Variants in AOPEP observed in about 807,000 individuals in gnomAD.
The protein encoded by AOPEP is aminopeptidase O.
In AOPEP, 77 loss-of-function variants were observed where a neutral mutation model predicts 98.1. The ratio of observed to expected loss-of-function variants is 0.78; its 90% CI spans 0.65 to 0.95. AOPEP has a LOEUF of 0.95. AOPEP is among the 40% of genes least tolerant of loss of function. The pLI is 0.00. For synonymous variants in AOPEP, 346 were observed against 365.3 expected (o/e 0.95, Z 0.60); for missense variants, 1,024 against 1,024.7 (o/e 1.00, Z 0.01).
At chr9:94,756,986 AT>A (rs1278942347) in intron 1 of AOPEP, among the ~76,000 whole-genome samples, 1 of 152,118 alleles carries the variant, frequency 6.6e-6, no homozygotes, top group Non-Finnish European at 1.5e-5. Flanking sequence ...CAGTAGCGAT[AT>A]TTTGGTCTGC....
intron 14 of AOPEP, among the ~76,000 whole-genome samples, chr9:95,063,834 C>G (rs532586859): frequency 1.6e-4 from 25 of 152,038 alleles, no homozygotes; most frequent in Non-Finnish European, 3.2e-4. Flanking sequence ...GGGTCTGGCC[C>G]TCATGCCTGG....
intron 13 of AOPEP, among the ~76,000 whole-genome samples, chr9:95,026,145 C>T (rs2063820019): frequency 6.6e-6 from 1 of 152,202 alleles, no homozygotes; most frequent in Admixed American, 6.5e-5. Context: ...ATAGATTTAA[C>T]ACTTCATAGC....
intron 14 of AOPEP, among the ~76,000 whole-genome samples, chr9:95,078,958 G>C (rs1270297645): frequency 6.6e-6 from 1 of 152,234 alleles, no homozygotes; most frequent in African/African-American, 2.4e-5. Context: ...ACTCTTTCTT[G>C]TATAGTGTGT....
intron 1 of AOPEP, among the ~76,000 whole-genome samples, chr9:94,746,002 G>T (rs1360222699): frequency 6.6e-6 from 1 of 152,164 alleles, no homozygotes; most frequent in East Asian, 1.9e-4. Flanking sequence ...TACGACAGGG[G>T]TTCCCCTTTC....
intron 3 of AOPEP, among the ~76,000 whole-genome samples, chr9:94,783,349 A>G (rs1245021782): frequency 1.3e-5 from 2 of 152,244 alleles, no homozygotes; most frequent in African/African-American, 4.8e-5. Context: ...GGGTAGCATC[A>G]GTGCTTGCAA....
chr9:95,140,030 A>G, the AOPEP span, among the ~76,000 whole-genome samples: 3 of 152,018 alleles, frequency 2.0e-5, no homozygotes, highest in African/African-American at 7.2e-5. Flanking sequence ...GGAATTGACC[A>G]AAATCATGAA....
At chr9:95,105,056 G>A in the AOPEP span, among the ~76,000 whole-genome samples, 26 of 152,314 alleles carry the variant, frequency 1.7e-4, no homozygotes, top group South Asian at 5.2e-3. Context: ...AAGCATTCTC[G>A]CTGTGCTGGG....
At chr9:95,088,476 C>T (rs1036381709), downstream of AOPEP, among the ~76,000 whole-genome samples, 1 of 151,834 alleles carries the variant, frequency 6.6e-6, no homozygotes, top group Admixed American at 6.6e-5. Flanking sequence ...CCCAAAGTGC[C>T]GGGATTATAG....
intron 2 of AOPEP, among the ~76,000 whole-genome samples, chr9:94,762,076 A>G (rs973405595): frequency 2.6e-5 from 4 of 152,190 alleles, no homozygotes; most frequent in Non-Finnish European, 4.4e-5. Flanking sequence ...GCTTACTGCA[A>G]ACAAAGAGAT....
chr9:94,819,854 T>A (rs1159418451), intron 5 of AOPEP, among the ~76,000 whole-genome samples: 1 of 151,892 alleles, frequency 6.6e-6, no homozygotes, highest in Non-Finnish European at 1.5e-5. Flanking sequence ...ATTACAGGAA[T>A]GAGCCACTGT....
At chr9:94,933,146 C>T (rs2055649328) in intron 7 of AOPEP, 51 of 985,818 alleles carry the variant, frequency 5.2e-5, no homozygotes, top group Non-Finnish European at 6.1e-5. Flanking sequence ...CAGCTCTCTC[C>T]TGTCATCTAT....
chr9:94,830,221 G>T (rs994264107), intron 5 of AOPEP, among the ~76,000 whole-genome samples: 5 of 152,168 alleles, frequency 3.3e-5, no homozygotes, highest in African/African-American at 1.2e-4. Flanking sequence ...ACTCCAGTGT[G>T]TGTGGTTTCC....
At chr9:95,098,651 G>A in the AOPEP span, among the ~76,000 whole-genome samples, 1 of 152,230 alleles carries the variant, frequency 6.6e-6, no homozygotes, top group Non-Finnish European at 1.5e-5. Flanking sequence ...TGTGGGGCTG[G>A]AGGAGGGGAC....
intron 1 of AOPEP, among the ~76,000 whole-genome samples, chr9:94,731,023 A>G (rs1830395542): frequency 6.6e-6 from 1 of 152,192 alleles, no homozygotes; most frequent in African/African-American, 2.4e-5. Context: ...TGGAGATAAT[A>G]TTACCTGTGG....
intron 13 of AOPEP, among the ~76,000 whole-genome samples, chr9:95,011,153 G>A (rs1052298334): frequency 6.7e-6 from 1 of 149,454 alleles, no homozygotes; most frequent in African/African-American, 2.5e-5. Flanking sequence ...ATAATTTACT[G>A]TTAAATTTTT....
Position 94,972,284 on chromosome 9 carries a change from G to A in AOPEP, c.1916+4483G>A, listed in dbSNP as rs1217092177. Reference sequence around the variant, plus strand: ...GGAAATGCAGGAGGGCAGGTGTTTGGGGAGTCTGAATGGGGCAGAGGGAGT... The same window carrying A: ...GGAAATGCAGGAGGGCAGGTGTTTGAGGAGTCTGAATGGGGCAGAGGGAGT... On this transcript the variant is annotated intron_variant, in intron 10 of 16. Coordinates refer to ENST00000375315, the MANE Select transcript of AOPEP (RefSeq NM_001193329.3). The surrounding 1 kb of genome is among the most constrained non-coding windows in gnomAD (Gnocchi z 4.2). Among the ~76,000 whole-genome samples the A allele has an allele frequency of 1.3e-5, 2 of 152,140 alleles. No individual in the cohort carries two copies. The highest frequency in any genetic ancestry group is 1.3e-4 in the Admixed American group (2 of 15,262).
chr9:94,836,127 C>T (rs1017216067), intron 5 of AOPEP, among the ~76,000 whole-genome samples: 3 of 152,196 alleles, frequency 2.0e-5, no homozygotes, highest in African/African-American at 2.4e-5. Flanking sequence ...CAAGCACATG[C>T]ACCTTTTCCA....
At chr9:95,102,403 C>T in the AOPEP span, among the ~76,000 whole-genome samples, 1 of 152,300 alleles carries the variant, frequency 6.6e-6, no homozygotes, top group Non-Finnish European at 1.5e-5. Context: ...TCAAGGCATT[C>T]GTACTTGTTG....
intron 13 of AOPEP, among the ~76,000 whole-genome samples, chr9:95,013,982 C>T (rs982554396): frequency 1.3e-5 from 2 of 152,128 alleles, no homozygotes; most frequent in African/African-American, 2.4e-5. Context: ...GCTTTATTTT[C>T]CTTGTCTGTA....
Sources: gnomAD v4.1 joint callset for allele counts (sites outside exome capture counted in the v4.1 genomes callset) on GRCh38, gnomAD v4.1.1 for gene constraint, Gnocchi (gnomAD v3.1) non-coding constraint, MANE v1.5 for transcripts, NCBI Gene and HGNC (gene_info 2026-07-23, HGNC 2026-07-21) for gene names.